CPLANE1: variants seen among roughly 807,000 people sequenced by gnomAD.
The protein encoded by CPLANE1 is ciliogenesis and planar polarity effector complex subunit 1.
In CPLANE1, 263 loss-of-function variants were observed where a neutral mutation model predicts 362.5. The ratio of observed to expected loss-of-function variants is 0.73; its 90% CI spans 0.66 to 0.80. The LOEUF (loss-of-function observed/expected upper bound fraction) is 0.80. Ranked by LOEUF, CPLANE1 falls within the 30% of genes least tolerant of loss-of-function variation. CPLANE1 has a pLI of 0.00. For synonymous variants in CPLANE1, 1,212 were observed against 1,302.6 expected, an observed-to-expected ratio of 0.93 and a Z score of 1.50; for missense variants, 3,461 against 3,793.4, an observed-to-expected ratio of 0.91 and a Z score of 2.30.
At chr5:37,100,205 C>T in the CPLANE1 span, among the ~76,000 whole-genome samples, 2 of 152,134 alleles carry the variant, frequency 1.3e-5, no homozygotes, top group South Asian at 4.1e-4. Context: ...CTGAATGGTA[C>T]TGCCTAGATT....
chr5:37,159,151 C>CCGGACTG, intron 38 of CPLANE1, among the ~76,000 whole-genome samples: 1 of 131,480 alleles, frequency 7.6e-6, no homozygotes, highest in Non-Finnish European at 1.6e-5. Flanking sequence ...GTCGCCCAGG[C>CCGGACTG]CGGACTGCGG....
intron 5 of CPLANE1, 109 bp from the exon 6 acceptor site, chr5:37,243,228 T>C: frequency 1.5e-6 from 1 of 661,122 alleles, no homozygotes; most frequent in South Asian, 2.9e-5. Context: ...AATATTGAGA[T>C]CTTGCTTATA....
intron 23 of CPLANE1, 54 bp from the exon 24 acceptor site, chr5:37,186,448 T>C: frequency 1.2e-6 from 1 of 801,852 alleles, no homozygotes; most frequent in Non-Finnish European, 2.2e-6. Context: ...TTTTTTTTTC[T>C]TCCATTCCAC....
chr5:37,129,378 A>G (rs188198514), intron 46 of CPLANE1, among the ~76,000 whole-genome samples: 1 of 152,338 alleles, frequency 6.6e-6, no homozygotes, highest in African/African-American at 2.4e-5. Flanking sequence ...CCAAAAGCAA[A>G]TGCAACAAAA....
At position 37,187,534 on chromosome 5, in the gene CPLANE1, G is replaced by C. The variant is rs767365216; in HGVS notation, c.3960C>G (p.His1320Gln). Residue 1320 changes from histidine to glutamine, a missense_variant, in exon 23 of 53, where the codon CAC (histidine) becomes CAG (glutamine). Transcript: ENST00000651892. ...EVEFDSCMIEHCLSAVEWAYR... is the reference protein window; with the variant it reads ...EVEFDSCMIEQCLSAVEWAYR... ...AAGCCCATTCCACTGCACTAAGACA[G>C]TGCTCAATCATACAAGAATCAAACT... 2.5e-6 allele frequency: 4 copies of C among 1,609,600 alleles called. No homozygotes were observed. In the Admixed American group the frequency reaches 6.8e-5, roughly 27 times the overall value.
intron 38 of CPLANE1, 84 bp from the exon 39 acceptor site, chr5:37,158,429 T>A: frequency 3.8e-6 from 5 of 1,324,866 alleles, no homozygotes; most frequent in Non-Finnish European, 5.1e-6. Context: ...ATGAACAAGT[T>A]AGCAACAAAC....
chr5:37,211,564 G>T, intron 16 of CPLANE1: 1 of 1,099,952 alleles, frequency 9.1e-7, no homozygotes. Context: ...TCCTCCAGAC[G>T]CCTCTCCTCC....
chr5:37,186,208 G>T, intron 24 of CPLANE1, 78 bp downstream of exon 24: 2 of 787,754 alleles, frequency 2.5e-6, no homozygotes. Context: ...ATAAGCAACA[G>T]TAAATAAATA....
At chr5:37,216,145 TAA>T (rs1794033541) in intron 15 of CPLANE1, among the ~76,000 whole-genome samples, 1 of 152,194 alleles carries the variant, frequency 6.6e-6, no homozygotes. Flanking sequence ...CCAAGATTCT[TAA>T]TGCTTTTGTC....
chr5:37,236,778 T>C (rs1321460866), intron 8 of CPLANE1, among the ~76,000 whole-genome samples: 1 of 148,198 alleles, frequency 6.7e-6, no homozygotes, highest in Non-Finnish European at 1.5e-5. Context: ...CAGACATTTC[T>C]CAAAAGACAT....
chr5:37,160,565 TC>T (rs1776566252), intron 38 of CPLANE1, among the ~76,000 whole-genome samples: 1 of 141,206 alleles, frequency 7.1e-6, no homozygotes, highest in African/African-American at 2.6e-5. Flanking sequence ...AGACTCCATC[TC>T]AAAAAAAAAA....
At chr5:37,094,445 G>GGA in the CPLANE1 span, among the ~76,000 whole-genome samples, 1 of 152,162 alleles carries the variant, frequency 6.6e-6, no homozygotes, top group South Asian at 2.1e-4. Context: ...AGTGCTAAGA[G>GGA]GAAAGTTCAT....
intron 46 of CPLANE1, among the ~76,000 whole-genome samples, chr5:37,133,202 CATG>C (rs1167860254): frequency 7.2e-5 from 11 of 152,142 alleles, no homozygotes; most frequent in African/African-American, 2.4e-4. Context: ...AGGCAGGTAA[CATG>C]ATGACTCTGG....
the CPLANE1 span, among the ~76,000 whole-genome samples, chr5:37,084,230 G>C: frequency 6.6e-6 from 1 of 152,260 alleles, no homozygotes; most frequent in East Asian, 1.9e-4. Flanking sequence ...CAAATGCTGA[G>C]AGAATTCACC....
intron 15 of CPLANE1, among the ~76,000 whole-genome samples, chr5:37,217,363 T>C (rs1329534009): frequency 2.0e-5 from 3 of 152,116 alleles, no homozygotes; most frequent in African/African-American, 7.2e-5. Context: ...CCCAGCACTT[T>C]GGGAGGCCAA....
chr5:37,191,160 C>T (rs1785439861), intron 21 of CPLANE1, among the ~76,000 whole-genome samples: 1 of 151,570 alleles, frequency 6.6e-6, no homozygotes, highest in East Asian at 1.9e-4. Context: ...TAGGCCTAGA[C>T]TAATGAATAT....
chr5:37,197,110 GT>G (rs34105861), intron 20 of CPLANE1, among the ~76,000 whole-genome samples: 26 of 148,976 alleles, frequency 1.7e-4, no homozygotes, highest in Non-Finnish European at 3.0e-4. Flanking sequence ...AAATTACCTA[GT>G]TTTTTTTTTA....
chr5:37,212,633 CAT>C (rs1480268767), intron 16 of CPLANE1, among the ~76,000 whole-genome samples: 2 of 152,074 alleles, frequency 1.3e-5, no homozygotes, highest in African/African-American at 4.8e-5. Flanking sequence ...GAATGAATAT[CAT>C]AGAAATTTGT....
At chr5:37,140,008 T>C in intron 44 of CPLANE1, 1 of 947,170 alleles carries the variant, frequency 1.1e-6, no homozygotes, top group Non-Finnish European at 1.3e-6. Flanking sequence ...CTGAAAGTAA[T>C]ATATTTTAGA....
Sources: gnomAD v4.1 joint callset for allele counts (sites outside exome capture counted in the v4.1 genomes callset) on GRCh38, gnomAD v4.1.1 for gene constraint, MANE v1.5 for transcripts, NCBI Gene and HGNC (gene_info 2026-07-23, HGNC 2026-07-21) for gene names.